The following KAZN variants were observed in gnomAD, a reference collection of about 807,000 sequenced individuals.
The protein encoded by KAZN is kazrin, periplakin interacting protein.
A neutral mutation model predicts 87.4 loss-of-function variants in KAZN; 40 were observed. The observed-to-expected ratio is 0.46, with a 90% CI of 0.36 to 0.60. The LOEUF is 0.60. Ranked by LOEUF, KAZN falls within the 20% of genes least tolerant of loss-of-function variation. KAZN has a pLI of 0.00. For missense variants in KAZN, 898 were observed against 1,073.9 expected, an observed-to-expected ratio of 0.84 and a Z score of 2.29; for synonymous variants, 466 against 458.3, an observed-to-expected ratio of 1.02 and a Z score of -0.22.
intron 2 of KAZN, among the ~76,000 whole-genome samples, chr1:14,287,031 A>G (rs113090765): frequency 1.1e-4 from 17 of 152,322 alleles, no homozygotes; most frequent in African/African-American, 4.1e-4. Flanking sequence ...AGTTTTGTAT[A>G]TGCTAATATT....
intron 2 of KAZN, among the ~76,000 whole-genome samples, chr1:14,338,238 C>T (rs895474031): frequency 2.0e-5 from 3 of 151,968 alleles, no homozygotes; most frequent in African/African-American, 7.3e-5. Flanking sequence ...CTTTGGGAAG[C>T]CAAGGTGGGT....
intron 2 of KAZN, among the ~76,000 whole-genome samples, chr1:14,418,280 G>C (rs977316873): frequency 6.6e-6 from 1 of 152,124 alleles, no homozygotes; most frequent in Non-Finnish European, 1.5e-5. Context: ...GACCCTGGCA[G>C]GCTATCTAAC....
intron 2 of KAZN, among the ~76,000 whole-genome samples, chr1:14,235,046 A>G (rs935454667): frequency 6.6e-6 from 1 of 152,228 alleles, no homozygotes; most frequent in Admixed American, 6.5e-5. Context: ...ACATATCCCC[A>G]AAGAATTGCG....
intron 2 of KAZN, among the ~76,000 whole-genome samples, chr1:14,516,489 G>A (rs894045948): frequency 6.6e-6 from 1 of 152,232 alleles, no homozygotes; most frequent in African/African-American, 2.4e-5. Context: ...CATGACCCAC[G>A]TCAGGCTAAT....
At chr1:14,849,938 C>CCCT (rs1553144800) in intron 1 of KAZN, among the ~76,000 whole-genome samples, 18 of 143,302 alleles carry the variant, frequency 1.3e-4, no homozygotes, top group African/African-American at 4.4e-4. Context: ...TCTACCCCCC[C>CCCT]TTTTTTTTTT....
intron 1 of KAZN, among the ~76,000 whole-genome samples, chr1:14,662,794 TAAGA>T (rs1462714416): frequency 1.3e-5 from 2 of 151,342 alleles, no homozygotes; most frequent in African/African-American, 4.9e-5. Flanking sequence ...CTCATTTTTC[TAAGA>T]AAGACACTAT....
At chr1:14,749,472 G>A (rs1644353589) in intron 1 of KAZN, among the ~76,000 whole-genome samples, 1 of 152,166 alleles carries the variant, frequency 6.6e-6, no homozygotes, top group Non-Finnish European at 1.5e-5. Context: ...CCTCCTTCAG[G>A]AGAGGGCTTC....
At chr1:14,228,988 C>T (rs1212303975) in intron 2 of KAZN, among the ~76,000 whole-genome samples, 3 of 152,214 alleles carry the variant, frequency 2.0e-5, no homozygotes, top group African/African-American at 7.2e-5. Context: ...GGCATGCTAA[C>T]AGGAGAGCTT....
At chr1:14,887,592 C>G (rs1448797129) in intron 1 of KAZN, among the ~76,000 whole-genome samples, 1 of 151,984 alleles carries the variant, frequency 6.6e-6, no homozygotes, top group African/African-American at 2.4e-5. Context: ...AAACATGCAA[C>G]CTTCCCTGCA....
chr1:13,946,769 C>T (rs1452293551), intron 1 of KAZN, among the ~76,000 whole-genome samples: 2 of 152,168 alleles, frequency 1.3e-5, no homozygotes, highest in Non-Finnish European at 2.9e-5. Context: ...TACTCCGTAA[C>T]CCTACTTCCT....
chr1:14,459,256 T>TGC (rs1553175296), intron 2 of KAZN, among the ~76,000 whole-genome samples: 14,425 of 151,038 alleles, frequency 0.096, 995 homozygotes, highest in East Asian at 0.21. Flanking sequence ...ATGGTGTGTG[T>TGC]GCGCGTGTGT....
chr1:14,642,962 T>A (rs1680518384), intron 1 of KAZN, among the ~76,000 whole-genome samples: 1 of 152,218 alleles, frequency 6.6e-6, no homozygotes, highest in Non-Finnish European at 1.5e-5. Flanking sequence ...TTTGGCACTG[T>A]CTTATAAAGT....
At chr1:14,011,285 C>T (rs1570520363) in intron 1 of KAZN, among the ~76,000 whole-genome samples, 2 of 152,350 alleles carry the variant, frequency 1.3e-5, no homozygotes, top group South Asian at 4.1e-4. Flanking sequence ...CTCTTTCTTG[C>T]TCACCATGAT....
chr1:13,951,268 C>G (rs1359323352), intron 1 of KAZN, among the ~76,000 whole-genome samples: 3 of 152,122 alleles, frequency 2.0e-5, no homozygotes, highest in Admixed American at 6.5e-5. Context: ...CTGGAGTTAG[C>G]CTATCCAAGT....
chr1:14,318,785 T>A (rs1172007642), intron 2 of KAZN, among the ~76,000 whole-genome samples: 1 of 152,036 alleles, frequency 6.6e-6, no homozygotes, highest in Admixed American at 6.6e-5. Flanking sequence ...AACTTTTTAC[T>A]CTTCAGTATT....
At chr1:14,779,357 C>T (rs979390341) in intron 1 of KAZN, among the ~76,000 whole-genome samples, 3 of 152,206 alleles carry the variant, frequency 2.0e-5, no homozygotes, top group African/African-American at 7.2e-5. Context: ...CCCTCTGGGG[C>T]TTTTCTGGAG....
At chr1:14,527,429 A>G (rs1338077625) in intron 2 of KAZN, among the ~76,000 whole-genome samples, 1 of 151,876 alleles carries the variant, frequency 6.6e-6, no homozygotes, top group African/African-American at 2.4e-5. Flanking sequence ...GGCACCTGTA[A>G]TCCCGACTAC....
At chr1:14,528,644 G>A (rs528998903) in intron 2 of KAZN, among the ~76,000 whole-genome samples, 16 of 151,330 alleles carry the variant, frequency 1.1e-4, no homozygotes, top group African/African-American at 3.9e-4. Flanking sequence ...AGCTATTTGG[G>A]AGGTTGAAAC....
intron 2 of KAZN, among the ~76,000 whole-genome samples, chr1:14,526,439 C>T (rs1671868700): frequency 1.3e-5 from 2 of 152,128 alleles, no homozygotes; most frequent in African/African-American, 4.8e-5. Context: ...GTGCCAAGTG[C>T]CCCGGAGGTT....
Sources: allele counts gnomAD v4.1 joint callset (sites outside exome capture counted in the v4.1 genomes callset), GRCh38; gene constraint gnomAD v4.1.1; transcripts MANE v1.5; gene names NCBI Gene and HGNC (gene_info 2026-07-23, HGNC 2026-07-21).